The following SCMH1 variants were observed in gnomAD, a reference collection of about 807,000 sequenced individuals.
SCMH1 encodes the protein Scm polycomb group protein homolog 1, also known as polycomb protein SCMH1.
A neutral mutation model predicts 70.8 loss-of-function variants in SCMH1; 37 were observed. That is an observed-to-expected ratio of 0.52 (90% CI 0.40 to 0.69). SCMH1 has a LOEUF of 0.69. SCMH1 is among the 30% of genes least tolerant of loss of function. The pLI is 0.00. For synonymous variants in SCMH1, 292 were observed against 307.4 expected, an observed-to-expected ratio of 0.95 and a Z score of 0.52; for missense variants, 607 against 827.3, an observed-to-expected ratio of 0.73 and a Z score of 3.27.
At chr1:41,089,895 G>A (rs1200153695) in intron 8 of SCMH1, among the ~76,000 whole-genome samples, 1 of 144,542 alleles carries the variant, frequency 6.9e-6, no homozygotes, top group Non-Finnish European at 1.5e-5. Context: ...AGGTTCAAGC[G>A]AGTCTCGTGC....
chr1:41,199,518 C>T (rs549769737), intron 1 of SCMH1, among the ~76,000 whole-genome samples: 1 of 152,308 alleles, frequency 6.6e-6, no homozygotes, highest in East Asian at 1.9e-4. Flanking sequence ...TCTGGCATTA[C>T]TGTTCCCATT....
chr1:41,200,531 A>T (rs1468314059), intron 1 of SCMH1, among the ~76,000 whole-genome samples: 9 of 148,854 alleles, frequency 6.0e-5, no homozygotes, highest in Non-Finnish European at 1.5e-5. Context: ...TAATAATAAT[A>T]ATAATAATGC....
At chr1:41,094,736 A>G (rs1337505160) in intron 8 of SCMH1, among the ~76,000 whole-genome samples, 1 of 152,080 alleles carries the variant, frequency 6.6e-6, no homozygotes, top group Non-Finnish European at 1.5e-5. Context: ...TAAAAATACA[A>G]AAATTAGCCG....
intron 1 of SCMH1, among the ~76,000 whole-genome samples, chr1:41,198,450 C>A (rs567243910): frequency 2.0e-5 from 3 of 152,312 alleles, no homozygotes; most frequent in Non-Finnish European, 4.4e-5. Context: ...TATTTTATAT[C>A]CTACACATTG....
At chr1:41,159,803 C>T in intron 4 of SCMH1, 1 of 1,478,754 alleles carries the variant, frequency 6.8e-7, no homozygotes, top group Non-Finnish European at 9.0e-7. Flanking sequence ...GAAGATTTGA[C>T]TTTTAGAGTA....
At chr1:41,178,905 TC>T (rs1647830228) in intron 2 of SCMH1, among the ~76,000 whole-genome samples, 1 of 152,112 alleles carries the variant, frequency 6.6e-6, no homozygotes, top group Non-Finnish European at 1.5e-5. Flanking sequence ...TCTGCAGAAC[TC>T]CCCACCCCAA....
At chr1:41,131,396 C>T (rs961881662) in intron 6 of SCMH1, among the ~76,000 whole-genome samples, 1 of 152,076 alleles carries the variant, frequency 6.6e-6, no homozygotes, top group Non-Finnish European at 1.5e-5. Flanking sequence ...AATTTTAGAA[C>T]CAATTTGTCA....
At chr1:41,088,372 A>C (rs1305958900) in intron 8 of SCMH1, among the ~76,000 whole-genome samples, 1 of 152,198 alleles carries the variant, frequency 6.6e-6, no homozygotes, top group Non-Finnish European at 1.5e-5. Context: ...GAAGCAAGTT[A>C]ATTTTCTATA....
rs76422039 is a variant in SCMH1 at position 41,212,872 on chromosome 1, T to C, written c.-117-26622A>G. Among the ~76,000 whole-genome samples the C allele has an allele frequency of 8.3e-4, 126 of 152,012 alleles. 1 individual carries two copies. Among genetic ancestry groups the C allele is most frequent in the African/African-American group, 3.0e-3 (123 of 41,474 alleles). On this transcript the variant is annotated intron_variant, in intron 1 of 14. Transcript: ENST00000337495. ...GCTTGGGCAACAAAGTGAGACTCTG[T>C]CTGGAGGGAAAAAAAAAGATACATA...
intron 1 of SCMH1, among the ~76,000 whole-genome samples, chr1:41,238,817 C>T (rs1553190308): frequency 6.6e-6 from 1 of 152,158 alleles, no homozygotes; most frequent in Non-Finnish European, 1.5e-5. Context: ...TCTCAGCTTA[C>T]TTCCACTATA....
intron 10 of SCMH1, among the ~76,000 whole-genome samples, chr1:41,066,553 G>T (rs1654659103): frequency 6.6e-6 from 1 of 152,110 alleles, no homozygotes; most frequent in Non-Finnish European, 1.5e-5. Context: ...CATATGAAAT[G>T]CTTTTAGTCA....
At chr1:41,146,923 G>T (rs946959273) in intron 5 of SCMH1, among the ~76,000 whole-genome samples, 1 of 151,832 alleles carries the variant, frequency 6.6e-6, no homozygotes, top group Non-Finnish European at 1.5e-5. Context: ...TTTTGGTCAG[G>T]CATCTTCTAA....
At chr1:41,048,608 C>T (rs1243066160) in intron 11 of SCMH1, 82 bp downstream of exon 11, 7 of 1,258,496 alleles carry the variant, frequency 5.6e-6, no homozygotes, top group Non-Finnish European at 6.8e-6. Context: ...GAAGTGGGAA[C>T]CAGGATGCCT....
At chr1:41,049,726 C>T (rs1276112300) in intron 10 of SCMH1, among the ~76,000 whole-genome samples, 1 of 146,636 alleles carries the variant, frequency 6.8e-6, no homozygotes, top group African/African-American at 2.6e-5. Context: ...GAGATTGCGC[C>T]ACTGCACGCC....
chr1:41,177,460 C>T (rs1047043122), intron 2 of SCMH1, among the ~76,000 whole-genome samples: 5 of 152,178 alleles, frequency 3.3e-5, no homozygotes, highest in African/African-American at 7.2e-5. Context: ...GGAGGAAGTT[C>T]GAACCCATGG....
intron 1 of SCMH1, among the ~76,000 whole-genome samples, chr1:41,237,749 T>C (rs1357601441): frequency 1.3e-5 from 2 of 152,230 alleles, no homozygotes; most frequent in African/African-American, 4.8e-5. Flanking sequence ...AAAATTCATT[T>C]TGAAATGAAG....
intron 5 of SCMH1, among the ~76,000 whole-genome samples, chr1:41,148,264 T>C (rs1255137265): frequency 1.3e-5 from 2 of 152,232 alleles, no homozygotes; most frequent in African/African-American, 4.8e-5. Context: ...GGTTATTGTC[T>C]ACACAATTAT....
intron 1 of SCMH1, among the ~76,000 whole-genome samples, chr1:41,241,621 C>T (rs1323536388): frequency 6.6e-6 from 1 of 152,102 alleles, no homozygotes; most frequent in African/African-American, 2.4e-5. Context: ...CCCGCGCAGA[C>T]GGGGTCGCGC....
At chr1:41,056,658 G>C (rs1650418297) in intron 10 of SCMH1, among the ~76,000 whole-genome samples, 4 of 152,212 alleles carry the variant, frequency 2.6e-5, no homozygotes, top group African/African-American at 9.7e-5. Context: ...CAAATTTGAA[G>C]AGACAGACAG....
Sources: gnomAD v4.1 joint callset for allele counts (sites outside exome capture counted in the v4.1 genomes callset) on GRCh38, gnomAD v4.1.1 for gene constraint, MANE v1.5 for transcripts, NCBI Gene and HGNC (gene_info 2026-07-23, HGNC 2026-07-21) for gene names.